The following ZNF445 variants were observed in gnomAD, a reference collection of about 807,000 sequenced individuals.
The protein encoded by ZNF445 is zinc finger protein 445.
In ZNF445, 19 loss-of-function variants were observed where a neutral mutation model predicts 93.9. The observed-to-expected ratio is 0.20, with a 90% confidence interval of 0.14 to 0.30. The LOEUF (loss-of-function observed/expected upper bound fraction) is 0.30, where lower values mean the gene tolerates loss of function less well. Among genes scored for constraint, ZNF445 ranks in the 10% least tolerant of loss-of-function variants. ZNF445 has a pLI of 1.00. For missense variants in ZNF445, 1,058 were observed against 1,259.4 expected, an observed-to-expected ratio of 0.84 and a Z score of 2.42; for synonymous variants, 449 against 446.3, an observed-to-expected ratio of 1.01 and a Z score of -0.08.
Position 44,445,819 on chromosome 3 carries a change from A to T in ZNF445, c.*756T>A, listed in dbSNP as rs1697871176. The T allele has an allele frequency of 6.6e-6, 1 of 152,570 alleles. No homozygotes were observed. Among genetic ancestry groups the T allele is most frequent in the East Asian group, 1.9e-4 (1 of 5,192 alleles). The allele number at this position is 152,570 out of a possible 1,614,324, so 9.5% of individuals were successfully genotyped here. ...GTCATCTGTAAAGATCCAAGATGGC[A>T]GGATTTTCATCTGTTCTGGTCCCTG... On this transcript the variant is annotated 3_prime_UTR_variant, in exon 8 of 8. Coordinates refer to ENST00000396077, the MANE Select transcript of ZNF445 (RefSeq NM_181489.6).
At chr3:44,450,045 A>G (rs1440247976) in intron 6 of ZNF445, 7 of 293,978 alleles carry the variant, frequency 2.4e-5, no homozygotes, top group African/African-American at 6.7e-5. Context: ...GGCTCAAGCA[A>G]TTCTCCAGCC....
Position 44,437,239 on chromosome 3 carries a change from G to T in ZNF445, c.*9336C>A, listed in dbSNP as rs769198083. The T allele has an allele frequency of 6.6e-6, 1 of 152,142 alleles. No individual in the cohort carries two copies. The highest frequency in any genetic ancestry group is 1.9e-4 in the East Asian group (1 of 5,180). 9.4% of individuals were successfully genotyped at this position (152,142 alleles called of 1,614,324 possible). A position where few individuals can be genotyped will look rare whatever the true frequency, so the allele number is the denominator to read the frequency against. On this transcript the variant is annotated 3_prime_UTR_variant, in exon 8 of 8. Transcript: ENST00000396077. The stretch of plus-strand genomic sequence containing the variant: ...ATGACCAGAGGTCATTCTCATCACC[G>T]TCTTGGTTTTGGTGGGTTTTAGCTG...
rs754283763 is a variant in ZNF445 at position 44,450,848 on chromosome 3, C to T, written c.693+20G>A. ...AGCGACGTGGGGACATCAGGAAGGA[C>T]CAAATGTTCTGTGGCTCACCTGGAG... On this transcript the variant is annotated intron_variant, in intron 5 of 7. Transcript: ENST00000396077. The T allele has an allele frequency of 6.5e-7, 1 of 1,538,664 alleles. No homozygotes were observed. Among genetic ancestry groups the T allele is most frequent in the Non-Finnish European group, 8.7e-7 (1 of 1,144,260 alleles).
chr3:44,447,503 G>C lies in ZNF445; in HGVS notation c.2168C>G (p.Ala723Gly). ...DCGKDFAYRS[A>G]FIVHKKKHAM... ...ATGCTTCTTCTTATGAACAATAAAG[G>C]CTGACCTATAGGCAAAGTCCTTCCC... The change falls in exon 8 of 8, where the codon GCC becomes GGC. Residue 723 changes from alanine (A) to glycine (G), a missense_variant. Transcript: ENST00000396077. This position sits in a 1 kb window ranked among gnomAD's most constrained non-coding sequence, Gnocchi z 4.7. 6.2e-7 allele frequency: 1 copy of C among 1,614,108 alleles called. No individual in the cohort carries two copies. Among genetic ancestry groups the C allele is most frequent in the South Asian group, 1.1e-5 (1 of 91,070 alleles).
intron 1 of ZNF445, among the ~76,000 whole-genome samples, chr3:44,465,513 T>G (rs1022063823): frequency 3.3e-5 from 5 of 152,366 alleles, no homozygotes; most frequent in Middle Eastern, 3.4e-3. Context: ...CTTAGAAAAC[T>G]GATCTGCTGT....
chr3:44,469,433 A>G (rs1698236648), intron 1 of ZNF445, among the ~76,000 whole-genome samples: 1 of 152,334 alleles, frequency 6.6e-6, no homozygotes, highest in South Asian at 2.1e-4. Context: ...ATGAAGAAAG[A>G]TAGGAACATG....
chr3:44,465,488 G>A (rs956593165), intron 1 of ZNF445, among the ~76,000 whole-genome samples: 2 of 152,212 alleles, frequency 1.3e-5, no homozygotes, highest in South Asian at 2.1e-4. Context: ...CCAAGTGTCC[G>A]AATAACAGGG....
At position 44,455,321 on chromosome 3, in the gene ZNF445, G is replaced by A. The variant is rs761292247; in HGVS notation, c.229C>T (p.Arg77Trp). The A allele has an allele frequency of 7.4e-6, 12 of 1,613,978 alleles. No homozygotes were observed. Among genetic ancestry groups the A allele is most frequent in the South Asian group, 2.2e-5 (2 of 91,070 alleles). Residue 77 changes from arginine (R) to tryptophan (W), a missense_variant, in exon 3 of 8, where the codon CGG becomes TGG. This residue lies in a region of ZNF445 where 657 missense variants were observed against 746.4 expected (regional missense o/e 0.88). Coordinates refer to ENST00000396077, the MANE Select transcript of ZNF445 (RefSeq NM_181489.6). ...CTCAGCCACCAGCGACAGAGTTCCCGGAGCCGGCTCAGAGTTTCTAGGGGC... is the reference window on the plus strand; with the variant it reads ...CTCAGCCACCAGCGACAGAGTTCCCAGAGCCGGCTCAGAGTTTCTAGGGGC... Reference protein sequence around the residue: ...SGPLETLSRLRELCRWWLRPD... With the variant: ...SGPLETLSRLWELCRWWLRPD...
At chr3:44,474,860 G>A (rs1399569258) in intron 1 of ZNF445, among the ~76,000 whole-genome samples, 2 of 152,156 alleles carry the variant, frequency 1.3e-5, no homozygotes, top group Admixed American at 6.5e-5. Flanking sequence ...GGCCAGGCGC[G>A]GTGGCTCACA....
At chr3:44,460,677 T>C (rs1698101658) in intron 1 of ZNF445, among the ~76,000 whole-genome samples, 1 of 152,212 alleles carries the variant, frequency 6.6e-6, no homozygotes, top group Non-Finnish European at 1.5e-5. Context: ...TCCACCAAGT[T>C]ATCCTTAAAA....
rs145752089 is a variant in ZNF445, at chr3:44,451,352, T to A, written c.560A>T (p.Tyr187Phe). ...CAGGAAGTCACGTGCTTCTATTTCA[T>A]AGGGAGGCTCCAGGTGGTCCCCCAG... The part of the protein sequence containing the change: ...SALGDHLEPP[Y>F]EIEARDFLAG... Residue 187 changes from tyrosine (Y) to phenylalanine (F), a missense_variant, in exon 4 of 8, where the codon TAT (tyrosine) becomes TTT (phenylalanine). Coordinates refer to ENST00000396077, the MANE Select transcript of ZNF445 (RefSeq NM_181489.6). 6.2e-7 allele frequency: 1 copy of A among 1,614,070 alleles called. No individual in the cohort carries two copies. Among genetic ancestry groups the A allele is most frequent in the African/African-American group, 1.3e-5 (1 of 75,034 alleles).
chr3:44,448,413 G>A lies in ZNF445; in HGVS notation c.1258C>T (p.His420Tyr). The A allele has an allele frequency of 1.9e-6, 3 of 1,614,054 alleles. No individual in the cohort carries two copies. Among genetic ancestry groups the A allele is most frequent in the East Asian group, 2.2e-5 (1 of 44,898 alleles). The change falls in exon 8 of 8, where the codon CAC (histidine) becomes TAC (tyrosine). Residue 420 changes from histidine to tyrosine, a missense_variant. His to Tyr is a moderately conservative substitution (Grantham distance 83). Around this residue, in one of 3 missense-constraint regions of ZNF445, gnomAD observed 657 missense variants for 746.4 expected, o/e 0.88. Coordinates refer to ENST00000396077, the MANE Select transcript of ZNF445 (RefSeq NM_181489.6). ...KESLKHGCGK[H>Y]FRMSSHHYDY... ...TAGTGGTGTGAACTCATTCTGAAGTGTTTGCCACAGCCATGTTTAAGGGAT... is the reference window on the plus strand; with the variant it reads ...TAGTGGTGTGAACTCATTCTGAAGTATTTGCCACAGCCATGTTTAAGGGAT...
At chr3:44,458,550 T>C (rs1698063722) in intron 1 of ZNF445, among the ~76,000 whole-genome samples, 186 bp from the exon 2 acceptor site, 1 of 152,128 alleles carries the variant, frequency 6.6e-6, no homozygotes, top group South Asian at 2.1e-4. Context: ...TTCTGTTAAA[T>C]TATTTGGGCT....
chr3:44,470,710 C>T (rs1698256899), intron 1 of ZNF445, among the ~76,000 whole-genome samples: 1 of 152,162 alleles, frequency 6.6e-6, no homozygotes, highest in Non-Finnish European at 1.5e-5. Context: ...TCCTTATTTG[C>T]CTATGTTGCC....
chr3:44,465,143 G>GT (rs371196564), intron 1 of ZNF445, among the ~76,000 whole-genome samples: 1 of 150,986 alleles, frequency 6.6e-6, no homozygotes, highest in South Asian at 2.1e-4. Flanking sequence ...AGCTAACATT[G>GT]TAACATTTAA....
At chr3:44,449,217 G>C in intron 7 of ZNF445, among the ~76,000 whole-genome samples, 1 of 152,174 alleles carries the variant, frequency 6.6e-6, no homozygotes. Context: ...CCAGGAGTGA[G>C]GAGGAGCATC....
rs781032930 is a variant in ZNF445 at position 44,432,273 on chromosome 3, C to CTGTGTGTG, written c.*14294_*14301dup. 0.057 allele frequency: 7,978 copies of CTGTGTGTG among 140,610 alleles called. 248 individuals are homozygous for CTGTGTGTG. Among genetic ancestry groups the CTGTGTGTG allele is most frequent in the African/African-American group, 0.075 (2,938 of 39,158 alleles). The allele number at this position is 140,610 out of a possible 1,614,324, so 8.7% of individuals were successfully genotyped here. On this transcript the variant is annotated 3_prime_UTR_variant, in exon 8 of 8. Transcript: ENST00000396077. Reference sequence around the variant, plus strand: ...TCTACACTCATTTGTGTGTGTGTGTCTGTGTGTGTGTGTGTGTGTGTGTGT... The same window carrying CTGTGTGTG: ...TCTACACTCATTTGTGTGTGTGTGTCTGTGTGTGTGTGTGTGTGTGTGTGTGTGTGTGT...
chr3:44,459,722 G>C (rs1212858523), intron 1 of ZNF445, among the ~76,000 whole-genome samples: 4 of 152,156 alleles, frequency 2.6e-5, no homozygotes, highest in Non-Finnish European at 5.9e-5. Flanking sequence ...ATATATATTT[G>C]GTCTATGATA....
Position 44,444,974 on chromosome 3 carries a change from C to T in ZNF445, c.*1601G>A, listed in dbSNP as rs1697860949. 6.6e-6 allele frequency: 1 copy of T among 152,378 alleles called. No homozygotes were observed. The highest frequency in any genetic ancestry group is 6.5e-5 in the Admixed American group (1 of 15,300). 9.4% of individuals were successfully genotyped at this position (152,378 alleles called of 1,614,324 possible). On this transcript the variant is annotated 3_prime_UTR_variant, in exon 8 of 8. Coordinates refer to ENST00000396077, the MANE Select transcript of ZNF445 (RefSeq NM_181489.6). The stretch of plus-strand genomic sequence containing the variant: ...TTACTCACATGCTTTAGCAATATCA[C>T]TCCTTTGCCTTTAAGTAATTGATTC...
Sources: gnomAD v4.1 joint callset for allele counts (sites outside exome capture counted in the v4.1 genomes callset) on GRCh38, gnomAD v4.1.1 for gene constraint, gnomAD v4.1.1 regional missense constraint, Gnocchi (gnomAD v3.1) non-coding constraint, MANE v1.5 for transcripts, NCBI Gene and HGNC (gene_info 2026-07-23, HGNC 2026-07-21) for gene names.